The following TMEM135 variants were observed in gnomAD, a reference collection of about 807,000 sequenced individuals.
TMEM135 encodes the protein transmembrane protein 135, also known as peroxisomal membrane protein 52.
TMEM135 carries 30 observed loss-of-function variants against 60.3 expected under a neutral mutation model. The observed-to-expected ratio is 0.50, with a 90% CI of 0.37 to 0.68. The LOEUF is 0.68. Ranked by LOEUF, TMEM135 falls within the 30% of genes least tolerant of loss-of-function variation. TMEM135 has a pLI of 0.00. For synonymous variants in TMEM135, 190 were observed against 186.7 expected, an observed-to-expected ratio of 1.02 and a Z score of -0.14; for missense variants, 468 against 548.8, an observed-to-expected ratio of 0.85 and a Z score of 1.47.
At chr11:87,103,537 C>T in intron 4 of TMEM135, among the ~76,000 whole-genome samples, 1 of 147,202 alleles carries the variant, frequency 6.8e-6, no homozygotes, top group East Asian at 2.0e-4. Context: ...AGGTCCTTTG[C>T]CCATTTTTTT....
intron 5 of TMEM135, among the ~76,000 whole-genome samples, chr11:87,173,194 G>T (rs1182008886): frequency 6.6e-6 from 1 of 152,064 alleles, no homozygotes; most frequent in Non-Finnish European, 1.5e-5. Context: ...CAAAGTATTA[G>T]TTCAAGTAGT....
chr11:87,136,468 A>G (rs2135239397), intron 4 of TMEM135, among the ~76,000 whole-genome samples: 1 of 152,140 alleles, frequency 6.6e-6, no homozygotes, highest in African/African-American at 2.4e-5. Flanking sequence ...TTTCTTGTTA[A>G]TGTCTGCATT....
chr11:87,203,315 C>G (rs559047164), intron 5 of TMEM135, among the ~76,000 whole-genome samples: 1 of 152,232 alleles, frequency 6.6e-6, no homozygotes, highest in South Asian at 2.1e-4. Flanking sequence ...TAGTATCATA[C>G]AGAGTATTTT....
chr11:87,039,471 T>C (rs948379856), intron 1 of TMEM135, among the ~76,000 whole-genome samples: 3 of 152,190 alleles, frequency 2.0e-5, no homozygotes, highest in African/African-American at 7.2e-5. Context: ...CCAGTAATTG[T>C]TATTGGAGCT....
chr11:87,144,306 T>C (rs777453386), intron 4 of TMEM135, among the ~76,000 whole-genome samples: 13 of 152,228 alleles, frequency 8.5e-5, no homozygotes, highest in Non-Finnish European at 1.2e-4. Flanking sequence ...AATCAGTGGT[T>C]AGCATGCTTT....
chr11:87,081,902 T>G (rs1300704447), intron 3 of TMEM135, among the ~76,000 whole-genome samples: 2 of 152,186 alleles, frequency 1.3e-5, no homozygotes, highest in African/African-American at 4.8e-5. Context: ...ACATGGTTGC[T>G]GAAGAAAAAT....
chr11:87,113,754 A>G (rs1208507387), intron 4 of TMEM135, among the ~76,000 whole-genome samples: 1 of 152,072 alleles, frequency 6.6e-6, no homozygotes, highest in Non-Finnish European at 1.5e-5. Context: ...GTCACTAAGA[A>G]AGATTTTCCA....
At position 87,325,550 on chromosome 11, in the gene TMEM135, C is replaced by A. The variant is rs1180144947; in HGVS notation, c.*4217C>A. ...TCTCTCTTGCTGCTCCCTCTCCCTG[C>A]CACCTTGTCCATTCTCTGCTTGCTG... On this transcript the variant is annotated 3_prime_UTR_variant, in exon 15 of 15. Coordinates refer to ENST00000305494, the MANE Select transcript of TMEM135 (RefSeq NM_022918.4). 2.2e-6 allele frequency: 1 copy of A among 453,924 alleles called. No individual in the cohort carries two copies. The highest frequency in any genetic ancestry group is 4.4e-6 in the Non-Finnish European group (1 of 226,744). The allele number at this position is 453,924 out of a possible 1,614,324, so 28.1% of individuals were successfully genotyped here.
intron 4 of TMEM135, among the ~76,000 whole-genome samples, chr11:87,140,204 A>G (rs1177460998): frequency 6.6e-6 from 1 of 151,996 alleles, no homozygotes; most frequent in Non-Finnish European, 1.5e-5. Context: ...AGTAGCTGGG[A>G]CTACAGGTGC....
At position 87,191,982 on chromosome 11, in the gene TMEM135, C is replaced by CTTTTTTTT. The variant is rs767550753; in HGVS notation, c.462+34580_462+34581insTTTTTTTT. 6.1e-3 allele frequency among the ~76,000 whole-genome samples: 574 copies of CTTTTTTTT among 93,846 alleles called. 42 individuals are homozygous for CTTTTTTTT. Among genetic ancestry groups the CTTTTTTTT allele is most frequent in the Non-Finnish European group, 8.1e-3 (399 of 49,430 alleles). 61.6% of individuals were successfully genotyped at this position (93,846 alleles called of 152,430 possible). A position where few individuals can be genotyped will look rare whatever the true frequency, so the allele number is the denominator to read the frequency against. On this transcript the variant is annotated intron_variant, in intron 5 of 14. Coordinates refer to ENST00000305494, the MANE Select transcript of TMEM135 (RefSeq NM_022918.4). ...CTATTTCTTTTGTTTCTTTTCTTTT[C>CTTTTTTTT]TTTTCTTTTTTTTTTTTTTTTTTCG...
chr11:87,259,098 C>G (rs577043884), intron 6 of TMEM135: 1 of 987,110 alleles, frequency 1.0e-6, no homozygotes, highest in Non-Finnish European at 1.6e-6. Context: ...GGCCGCAGAC[C>G]GGACCCTCTT....
intron 1 of TMEM135, among the ~76,000 whole-genome samples, chr11:87,065,947 C>T (rs770610953): frequency 1.6e-4 from 24 of 152,162 alleles, no homozygotes; most frequent in Non-Finnish European, 2.6e-4. Context: ...GTCTATTTCC[C>T]TACGGAGATT....
At chr11:87,047,854 TG>T (rs2135111526) in intron 1 of TMEM135, among the ~76,000 whole-genome samples, 1 of 121,210 alleles carries the variant, frequency 8.3e-6, no homozygotes, top group East Asian at 2.6e-4. Context: ...GCTCCACCTC[TG>T]GGGGCAGGGC....
intron 6 of TMEM135, among the ~76,000 whole-genome samples, chr11:87,289,253 G>A (rs1336873187): frequency 6.6e-6 from 1 of 151,872 alleles, no homozygotes; most frequent in African/African-American, 2.4e-5. Flanking sequence ...CTGGGTAATT[G>A]GCATATCTGT....
chr11:87,311,469 A>G (rs918731598), intron 10 of TMEM135, among the ~76,000 whole-genome samples: 1 of 152,034 alleles, frequency 6.6e-6, no homozygotes, highest in African/African-American at 2.4e-5. Flanking sequence ...TAGCATTTGT[A>G]TTTATTCTTA....
chr11:87,283,259 G>A (rs1027387276), intron 6 of TMEM135, among the ~76,000 whole-genome samples: 26 of 151,748 alleles, frequency 1.7e-4, no homozygotes, highest in African/African-American at 4.8e-4. Flanking sequence ...GTTTGAACCC[G>A]GAGGTGGAGG....
intron 4 of TMEM135, among the ~76,000 whole-genome samples, chr11:87,155,577 G>A (rs482450): frequency 0.13 from 19,573 of 152,088 alleles, 1,335 homozygotes; most frequent in Middle Eastern, 0.15. Flanking sequence ...AGAGAGAGAT[G>A]TTTAAGTTTA....
At chr11:87,071,677 T>C in intron 3 of TMEM135, 62 bp downstream of exon 3, 1 of 1,295,934 alleles carries the variant, frequency 7.7e-7, no homozygotes. Flanking sequence ...AACTATAATT[T>C]TTTTTTTTTT....
chr11:87,064,551 C>A (rs1014816281), intron 1 of TMEM135, among the ~76,000 whole-genome samples: 7 of 152,182 alleles, frequency 4.6e-5, no homozygotes, highest in Non-Finnish European at 7.3e-5. Flanking sequence ...TCCCTGGCAA[C>A]CACTAAGTTA....
Sources: gnomAD v4.1 joint callset for allele counts (sites outside exome capture counted in the v4.1 genomes callset) on GRCh38, gnomAD v4.1.1 for gene constraint, MANE v1.5 for transcripts, NCBI Gene and HGNC (gene_info 2026-07-23, HGNC 2026-07-21) for gene names.